The following ASXL3 variants were observed in gnomAD, a reference collection of about 807,000 sequenced individuals.
ASXL3 encodes putative Polycomb group protein ASXL3.
ASXL3 carries 34 observed loss-of-function variants against 170.6 expected under a neutral mutation model. That is an observed-to-expected ratio of 0.20 (90% CI 0.15 to 0.27). The LOEUF (loss-of-function observed/expected upper bound fraction) is 0.27, where lower values mean the gene tolerates loss of function less well. ASXL3 is among the 10% of genes least tolerant of loss of function. The probability of loss-of-function intolerance (pLI) is 1.00; values close to 1 mark genes in which losing one functional copy is unlikely to be tolerated. For synonymous variants in ASXL3, 1,002 were observed against 989.1 expected, an observed-to-expected ratio of 1.01 and a Z score of -0.24; for missense variants, 2,592 against 2,695.3, an observed-to-expected ratio of 0.96 and a Z score of 0.85.
chr18:33,581,976 G>T (rs2064996528), intron 1 of ASXL3, among the ~76,000 whole-genome samples: 1 of 151,990 alleles, frequency 6.6e-6, no homozygotes, highest in African/African-American at 2.4e-5. Flanking sequence ...AGAAATTTCA[G>T]GCTTTAGCCT....
Position 33,738,790 on chromosome 18 carries a change from C to A in ASXL3, c.1386C>A (p.Ile462=), listed in dbSNP as rs761034630. 6.2e-7 allele frequency: 1 copy of A among 1,613,632 alleles called. No homozygotes were observed. Among genetic ancestry groups the A allele is most frequent in the Non-Finnish European group, 8.5e-7 (1 of 1,179,848 alleles). Residue 462 remains isoleucine (I), a synonymous_variant, in exon 11 of 12, where the codon ATC becomes ATA. Coordinates refer to ENST00000269197, the MANE Select transcript of ASXL3 (RefSeq NM_030632.3). The stretch of plus-strand genomic sequence containing the variant: ...TTGCAGAAGAGGTAGAGACTAGTAT[C>A]TGTGAATGCCAGGATGAAAATCATA... ...EEIAEEVETS[I]CECQDENHKT... is the part of the protein sequence containing the mutation.
chr18:33,699,336 A>G (rs559602247), intron 8 of ASXL3, among the ~76,000 whole-genome samples: 2 of 152,320 alleles, frequency 1.3e-5, no homozygotes, highest in Admixed American at 6.5e-5. Context: ...ACACATCATC[A>G]ATAAAGAAAT....
At chr18:33,668,599 A>G (rs1030168596) in intron 5 of ASXL3, among the ~76,000 whole-genome samples, 4 of 152,074 alleles carry the variant, frequency 2.6e-5, no homozygotes, top group African/African-American at 9.7e-5. Context: ...AACAGGCTCA[A>G]TATTGGTCAC....
chr18:33,669,941 T>C (rs1568316811), intron 5 of ASXL3, among the ~76,000 whole-genome samples: 1 of 152,248 alleles, frequency 6.6e-6, no homozygotes, highest in African/African-American at 2.4e-5. Flanking sequence ...TTTATTACAT[T>C]ATCATCACCG....
intron 8 of ASXL3, 89 bp downstream of exon 8, chr18:33,683,657 G>A (rs1348788381): frequency 7.9e-7 from 1 of 1,261,538 alleles, no homozygotes; most frequent in Non-Finnish European, 1.1e-6. Flanking sequence ...CTTATATATG[G>A]ATATAGTAAT....
chr18:33,589,914 A>G (rs775312384), intron 1 of ASXL3, among the ~76,000 whole-genome samples: 5 of 152,102 alleles, frequency 3.3e-5, no homozygotes, highest in Non-Finnish European at 7.4e-5. Context: ...ATTTTATAAT[A>G]TTATTCACAT....
At chr18:33,688,260 G>A (rs62092393) in intron 8 of ASXL3, among the ~76,000 whole-genome samples, 12,385 of 152,250 alleles carry the variant, frequency 0.081, 577 homozygotes, top group African/African-American at 0.1. Context: ...ACTTGTGGTA[G>A]AGGTCAGAGA....
intron 4 of ASXL3, among the ~76,000 whole-genome samples, chr18:33,658,445 T>G (rs1212132475): frequency 6.6e-6 from 1 of 152,120 alleles, no homozygotes; most frequent in African/African-American, 2.4e-5. Context: ...GGAAAAAGAA[T>G]GAATAAAGCA....
intron 10 of ASXL3, among the ~76,000 whole-genome samples, chr18:33,736,626 A>AT (rs1056425208): frequency 2.6e-5 from 4 of 151,978 alleles, no homozygotes; most frequent in Admixed American, 6.6e-5. Flanking sequence ...TTAGTTTTCA[A>AT]TTTTTTTAGA....
intron 5 of ASXL3, among the ~76,000 whole-genome samples, chr18:33,669,070 T>G (rs933185025): frequency 1.3e-5 from 2 of 152,186 alleles, no homozygotes; most frequent in Non-Finnish European, 2.9e-5. Flanking sequence ...TAATTGTAAT[T>G]TAAATTGCTA....
chr18:33,629,189 A>G (rs2065642579), intron 2 of ASXL3, among the ~76,000 whole-genome samples: 1 of 152,138 alleles, frequency 6.6e-6, no homozygotes, highest in African/African-American at 2.4e-5. Context: ...CTGAAGTAAC[A>G]TTTGTAATTG....
At chr18:33,635,455 C>A (rs1019242392) in intron 2 of ASXL3, among the ~76,000 whole-genome samples, 1 of 152,150 alleles carries the variant, frequency 6.6e-6, no homozygotes, top group African/African-American at 2.4e-5. Context: ...AGGCCCTGGC[C>A]TTGTGGAGGC....
At chr18:33,718,577 C>A (rs1427989866) in intron 8 of ASXL3, among the ~76,000 whole-genome samples, 1 of 152,092 alleles carries the variant, frequency 6.6e-6, no homozygotes, top group African/African-American at 2.4e-5. Context: ...TTCTTAACTG[C>A]AGCATGGGGT....
chr18:33,609,058 A>C (rs2065294460), intron 2 of ASXL3: 1 of 984,886 alleles, frequency 1.0e-6, no homozygotes, highest in African/African-American at 1.7e-5. Flanking sequence ...CAGAAAGTGG[A>C]GGCAGCAGTG....
chr18:33,733,520 A>G (rs927039083), intron 9 of ASXL3, among the ~76,000 whole-genome samples: 1 of 152,098 alleles, frequency 6.6e-6, no homozygotes, highest in African/African-American at 2.4e-5. Context: ...CCTGTGTGGT[A>G]TTCAGCAGTC....
chr18:33,664,149 A>C (rs1347474871), intron 5 of ASXL3, among the ~76,000 whole-genome samples: 1 of 152,110 alleles, frequency 6.6e-6, no homozygotes, highest in Non-Finnish European at 1.5e-5. Flanking sequence ...AAATGCTTTG[A>C]AGTATGTACT....
chr18:33,610,420 CA>C, intron 2 of ASXL3, among the ~76,000 whole-genome samples: 1 of 152,082 alleles, frequency 6.6e-6, no homozygotes. Flanking sequence ...GGTCCTCCCC[CA>C]AACAGTCCTC....
chr18:33,710,478 T>TG (rs1453804092), intron 8 of ASXL3, among the ~76,000 whole-genome samples: 1 of 152,204 alleles, frequency 6.6e-6, no homozygotes, highest in African/African-American at 2.4e-5. Context: ...TCTCTTTCAG[T>TG]GGGTCATAGT....
rs188683702 is a variant in ASXL3, at chr18:33,676,041, A to G, written c.715+4175A>G. ...AGATCGAGACCATCCTGGCTAACAC[A>G]GTGAAACCCCGTCTCTACTAAAACT... is the stretch of plus-strand genomic sequence containing the variant. On this transcript the variant is annotated intron_variant, in intron 7 of 11. Coordinates refer to ENST00000269197, the MANE Select transcript of ASXL3 (RefSeq NM_030632.3). Among the ~76,000 whole-genome samples, 1,045 of 151,606 alleles carry G rather than the reference A, an allele frequency of 6.9e-3. 12 individuals carry two copies. Among genetic ancestry groups the G allele is most frequent in the East Asian group, 0.01 (52 of 5,106 alleles).
Sources: allele counts gnomAD v4.1 joint callset (sites outside exome capture counted in the v4.1 genomes callset), GRCh38; gene constraint gnomAD v4.1.1; transcripts MANE v1.5; gene names NCBI Gene and HGNC (gene_info 2026-07-23, HGNC 2026-07-21).